The following RP1L1 variants were observed in gnomAD, a reference collection of about 807,000 sequenced individuals.
The protein encoded by RP1L1 is retinitis pigmentosa 1-like 1 protein.
A neutral mutation model predicts 15.7 loss-of-function variants in RP1L1; 27 were observed. The observed-to-expected ratio is 1.72, with a 90% CI of 1.27 to 2.38. RP1L1 has a LOEUF of 2.38. Among genes scored for constraint, RP1L1 ranks in the 30% most tolerant of loss-of-function variants. The probability of loss-of-function intolerance (pLI) is 0.00; values close to 1 mark genes in which losing one functional copy is unlikely to be tolerated. For synonymous variants in RP1L1, 1,813 were observed against 1,276.7 expected, an observed-to-expected ratio of 1.42 and a Z score of -8.96; for missense variants, 4,798 against 3,075.9, an observed-to-expected ratio of 1.56 and a Z score of -13.24.
intron 2 of RP1L1, among the ~76,000 whole-genome samples, chr8:10,620,808 A>G (rs28488558): frequency 3.0e-4 from 46 of 152,352 alleles, no homozygotes; most frequent in African/African-American, 1.1e-3. Context: ...TCTATTACCC[A>G]TGCAGCCCAT....
rs533478971 is a variant in RP1L1 at position 10,607,105 on chromosome 8, C to T, written c.6993G>A (p.Thr2331=). The T allele has an allele frequency of 1.9e-4, 299 of 1,614,212 alleles. 3 individuals carry two copies. In the South Asian group the frequency reaches 2.5e-3, roughly 14 times the overall value. The change falls in exon 4 of 4, where the codon ACG becomes ACA. Residue 2331 remains threonine (T), a synonymous_variant. Coordinates refer to ENST00000382483, the MANE Select transcript of RP1L1 (RefSeq NM_178857.6). ...CCTTCCTCTCTGCATGAGGGGTCCC[C>T]GTGGACTTGGCATCAGGGCTCCTTG... ...GDTRSPDAKS[T]GTPHAERKAT... is the part of the protein sequence containing the mutation.
At chr8:10,642,852 T>G (rs1417445704) in intron 1 of RP1L1, among the ~76,000 whole-genome samples, 1 of 152,018 alleles carries the variant, frequency 6.6e-6, no homozygotes, top group Non-Finnish European at 1.5e-5. Flanking sequence ...AAAATAATAA[T>G]GATTAGGAAG....
At chr8:10,627,534 G>C (rs934839597) in intron 1 of RP1L1, among the ~76,000 whole-genome samples, 4 of 152,062 alleles carry the variant, frequency 2.6e-5, no homozygotes, top group Non-Finnish European at 4.4e-5. Flanking sequence ...ACCCTGGGGA[G>C]TTCTGGGGAT....
chr8:10,607,046 T>C lies in RP1L1; in HGVS notation c.7052A>G (p.Glu2351Gly). The C allele has an allele frequency of 6.2e-7, 1 of 1,614,230 alleles. No homozygotes were observed. The highest frequency in any genetic ancestry group is 8.5e-7 in the Non-Finnish European group (1 of 1,180,034). ...TRMYPESSTS[E>G]QEEAPLGSRT... ...TGAGCCCAAAGGGGCCTCTTCTTGC[T>C]CAGAAGTAGAACTTTCTGGGTACAT... is the stretch of plus-strand genomic sequence containing the variant. Residue 2351 changes from glutamate to glycine, a missense_variant, in exon 4 of 4, where the codon GAG becomes GGG. Glu to Gly is a moderately conservative substitution (Grantham distance 98). Transcript: ENST00000382483.
At position 10,622,928 on chromosome 8, in the gene RP1L1, C is replaced by A; in HGVS notation, c.274G>T (p.Ala92Ser). ...TTPRGLHSLS[A>S]LEQLEDGGCY... Reference sequence around the variant, plus strand: ...CCTCCATCTTCCAGCTGCTCCAGGGCGCTGAGGCTATGCAGGCCCCGGGGT... The same window carrying A: ...CCTCCATCTTCCAGCTGCTCCAGGGAGCTGAGGCTATGCAGGCCCCGGGGT... Residue 92 changes from alanine to serine, a missense_variant, in exon 2 of 4, where the codon GCC (alanine) becomes TCC (serine). Physicochemically the swap from Ala to Ser is moderately conservative, Grantham distance 99. Coordinates refer to ENST00000382483, the MANE Select transcript of RP1L1 (RefSeq NM_178857.6). The A allele has an allele frequency of 6.2e-7, 1 of 1,613,988 alleles. No individual in the cohort carries two copies. Among genetic ancestry groups the A allele is most frequent in the Non-Finnish European group, 8.5e-7 (1 of 1,179,966 alleles).
chr8:10,609,163 G>C lies in RP1L1; in HGVS notation c.4935C>G (p.Ser1645Arg), dbSNP rs1490908992. ...DEPALSTALGSQLGEEAEGEE... is the reference protein window; with the variant it reads ...DEPALSTALGRQLGEEAEGEE... Reference sequence around the variant, plus strand: ...CCCCCTCCGCCTCCTCGCCCAGCTGGCTCCCCAGGGCTGTGCTGAGGGCTG... The same window carrying C: ...CCCCCTCCGCCTCCTCGCCCAGCTGCCTCCCCAGGGCTGTGCTGAGGGCTG... The change falls in exon 4 of 4, where the codon AGC (serine) becomes AGG (arginine). Residue 1645 changes from serine to arginine, a missense_variant. Physicochemically the swap from Ser to Arg is moderately radical, Grantham distance 110. Transcript: ENST00000382483. The C allele has an allele frequency of 1.9e-6, 3 of 1,612,626 alleles. No individual in the cohort carries two copies. Among genetic ancestry groups the C allele is most frequent in the Non-Finnish European group, 2.5e-6 (3 of 1,179,520 alleles).
At chr8:10,626,195 C>A (rs557852762) in intron 1 of RP1L1, among the ~76,000 whole-genome samples, 2 of 151,376 alleles carry the variant, frequency 1.3e-5, no homozygotes, top group Non-Finnish European at 2.9e-5. Flanking sequence ...TGGCAGCGGG[C>A]GCAGGCAGCA....
chr8:10,611,487 C>T lies in RP1L1; in HGVS notation c.2611G>A (p.Gly871Arg). 1 of 1,572,594 alleles carries T rather than the reference C, an allele frequency of 6.4e-7. No individual in the cohort carries two copies. The highest frequency in any genetic ancestry group is 8.6e-7 in the Non-Finnish European group (1 of 1,161,214). Residue 871 changes from glycine to arginine, a missense_variant, in exon 4 of 4, where the codon GGG (glycine) becomes AGG (arginine). Physicochemically the swap from Gly to Arg is moderately radical, Grantham distance 125. Coordinates refer to ENST00000382483, the MANE Select transcript of RP1L1 (RefSeq NM_178857.6). ...PCPQRRSSSC[G>R]STGSSHQSTA... Reference sequence around the variant, plus strand: ...CTTTGGTGGCTGCTGCCGGTGCTCCCACAGCTGGAAGAGCGCCTCTGGGGG... The same window carrying T: ...CTTTGGTGGCTGCTGCCGGTGCTCCTACAGCTGGAAGAGCGCCTCTGGGGG...
rs201195142 is a variant in RP1L1 at position 10,613,091 on chromosome 8, G to A, written c.1007C>T (p.Thr336Met). The stretch of plus-strand genomic sequence containing the variant: ...GCCCATCCTCCGGGACCATAGGAGC[G>A]TGTCCTCGCCGACCAGGTGGAAGCG... ...KVRFHLVGEDTLLWSRRMGRA... is the reference protein window; with the variant it reads ...KVRFHLVGEDMLLWSRRMGRA... The change falls in exon 4 of 4, where the codon ACG (threonine) becomes ATG (methionine). Residue 336 changes from threonine to methionine, a missense_variant. Thr to Met is a moderately conservative substitution (Grantham distance 81, BLOSUM62 -1). Coordinates refer to ENST00000382483, the MANE Select transcript of RP1L1 (RefSeq NM_178857.6). 1.6e-5 allele frequency: 26 copies of A among 1,613,874 alleles called. No individual in the cohort carries two copies. The East Asian group carries it at 2.0e-4, about 12-fold the overall frequency.
At chr8:10,638,753 G>C (rs569902507) in intron 1 of RP1L1, among the ~76,000 whole-genome samples, 1 of 152,148 alleles carries the variant, frequency 6.6e-6, no homozygotes, top group Non-Finnish European at 1.5e-5. Flanking sequence ...CTCTCCAGAC[G>C]GAGGGACACA....
chr8:10,618,575 C>T (rs187983804), intron 2 of RP1L1, among the ~76,000 whole-genome samples: 2 of 152,058 alleles, frequency 1.3e-5, no homozygotes, highest in African/African-American at 2.4e-5. Flanking sequence ...GCCTGTAGTC[C>T]CAGCTGCTTG....
rs749489002 is a variant in RP1L1, at chr8:10,611,224, G to A, written c.2874C>T (p.Arg958=). 1.2e-5 allele frequency: 20 copies of A among 1,612,798 alleles called. No homozygotes were observed. The highest frequency in any genetic ancestry group is 5.3e-5 in the African/African-American group (4 of 74,922). The change falls in exon 4 of 4, where the codon CGC becomes CGT. Residue 958 remains arginine, a synonymous_variant. Coordinates refer to ENST00000382483, the MANE Select transcript of RP1L1 (RefSeq NM_178857.6). ...LPRSSPEAVV[R]EWLDNIPEEP... Reference sequence around the variant, plus strand: ...CTTCTGGAATGTTGTCCAGCCATTCGCGGACCACAGCCTCTGGAGACGAGC... The same window carrying A: ...CTTCTGGAATGTTGTCCAGCCATTCACGGACCACAGCCTCTGGAGACGAGC...
Position 10,613,299 on chromosome 8 carries a change from G to T in RP1L1, c.799C>A (p.Pro267Thr), listed in dbSNP as rs1236029285. ...GGCAGCCGTGGCGTGCTGCCTGGCGGAGACCGCGAATGGATCACACTCGGC... is the reference window on the plus strand; with the variant it reads ...GGCAGCCGTGGCGTGCTGCCTGGCGTAGACCGCGAATGGATCACACTCGGC... ...TKPSVIHSRS[P>T]PGSTPRLPER... Residue 267 changes from proline (P) to threonine (T), a missense_variant, in exon 4 of 4, where the codon CCG becomes ACG. Transcript: ENST00000382483. 4 of 1,603,394 alleles carry T rather than the reference G, an allele frequency of 2.5e-6. No individual in the cohort carries two copies. The African/African-American group carries it at 5.3e-5, about 21-fold the overall frequency.
chr8:10,615,734 G>T (rs1797954442), intron 3 of RP1L1, among the ~76,000 whole-genome samples: 2 of 151,956 alleles, frequency 1.3e-5, no homozygotes, highest in South Asian at 2.1e-4. Context: ...TAGAGGCAGG[G>T]TCTTGCTCTG....
chr8:10,610,609 A>C lies in RP1L1; in HGVS notation c.3489T>G (p.Val1163=). 1 of 1,613,550 alleles carries C rather than the reference A, an allele frequency of 6.2e-7. No homozygotes were observed. Among genetic ancestry groups the C allele is most frequent in the Non-Finnish European group, 8.5e-7 (1 of 1,180,020 alleles). Residue 1163 remains valine (V), a synonymous_variant, in exon 4 of 4, where the codon GTT becomes GTG. Coordinates refer to ENST00000382483, the MANE Select transcript of RP1L1 (RefSeq NM_178857.6). ...GGCCTGAGTCCAGCTGGTCTTCCCC[A>C]ACGTCACATCCTGGCCACAGGTCCT... The part of the protein sequence containing the change: ...ISKDLWPGCD[V]GEDQLDSGLW...
chr8:10,616,992 T>C (rs1325132914), intron 2 of RP1L1, among the ~76,000 whole-genome samples: 1 of 152,148 alleles, frequency 6.6e-6, no homozygotes, highest in Non-Finnish European at 1.5e-5. Flanking sequence ...TCTCTCATTC[T>C]TTTCCCAAAT....
At position 10,610,234 on chromosome 8, in the gene RP1L1, G is replaced by T; in HGVS notation, c.3864C>A (p.Asn1288Lys). 2 of 1,609,542 alleles carry T rather than the reference G, an allele frequency of 1.2e-6. No individual in the cohort carries two copies. Among genetic ancestry groups the T allele is most frequent in the Non-Finnish European group, 1.7e-6 (2 of 1,178,436 alleles). Residue 1288 changes from asparagine (N) to lysine (K), a missense_variant, in exon 4 of 4, where the codon AAC (asparagine) becomes AAA (lysine). Transcript: ENST00000382483. ...CTGTGTTTTCAGCTAACTGCTCCAG[G>T]TTCGAGCTCGCCCTCTGCTCCTCAC... is the stretch of plus-strand genomic sequence containing the variant. ...RDSEEQRASS[N>K]LEQLAENTVQ...
At chr8:10,650,864 G>T (rs1023486608) in intron 1 of RP1L1, among the ~76,000 whole-genome samples, 11 of 152,170 alleles carry the variant, frequency 7.2e-5, no homozygotes, top group Non-Finnish European at 1.3e-4. Flanking sequence ...ACCACACTCA[G>T]CTGACTCTGT....
Position 10,623,187 on chromosome 8 carries a change from G to A in RP1L1, c.15C>T (p.Pro5=), listed in dbSNP as rs571836128. The change falls in exon 2 of 4, where the codon CCC becomes CCT. Residue 5 remains proline (P), a synonymous_variant. Transcript: ENST00000382483. The part of the protein sequence containing the change: MNST[P]RNAQAPSHRE... The stretch of plus-strand genomic sequence containing the variant: ...GGTGGCTCGGGGCCTGGGCATTCCT[G>A]GGGGTGCTGTTCATGGTGTGGGGGC... 1 of 1,566,540 alleles carries A rather than the reference G, an allele frequency of 6.4e-7. No homozygotes were observed. The highest frequency in any genetic ancestry group is 8.7e-7 in the Non-Finnish European group (1 of 1,155,516).
Sources: gnomAD v4.1 joint callset for allele counts (sites outside exome capture counted in the v4.1 genomes callset) on GRCh38, gnomAD v4.1.1 for gene constraint, MANE v1.5 for transcripts, NCBI Gene and HGNC (gene_info 2026-07-23, HGNC 2026-07-21) for gene names.